The following SMU1 variants were observed in gnomAD, a reference collection of about 807,000 sequenced individuals.
SMU1 encodes the protein SMU1 DNA replication regulator and spliceosomal factor.
SMU1 carries 2 observed loss-of-function variants against 62.0 expected under a neutral mutation model. The ratio of observed to expected loss-of-function variants is 0.03; its 90% CI spans 0.01 to 0.10. The LOEUF is 0.10. Among genes scored for constraint, SMU1 ranks in the 10% least tolerant of loss-of-function variants. SMU1 has a pLI of 1.00. For synonymous variants in SMU1, 188 were observed against 212.4 expected (o/e 0.89, Z 1.00); for missense variants, 227 against 622.1 (o/e 0.36, Z 6.76).
chr9:33,061,280 C>G (rs563331918), intron 5 of SMU1, among the ~76,000 whole-genome samples: 1 of 152,282 alleles, frequency 6.6e-6, no homozygotes, highest in East Asian at 1.9e-4. Flanking sequence ...AAAATCTTAG[C>G]CCAGCAGCAT....
intron 5 of SMU1, 75 bp downstream of exon 5, chr9:33,061,974 G>T: frequency 6.7e-7 from 1 of 1,502,900 alleles, no homozygotes; most frequent in Non-Finnish European, 9.1e-7. Context: ...CAAGCCCCTG[G>T]CACAGGGCCT....
Position 33,057,641 on chromosome 9 carries a change from T to A in SMU1, c.824A>T (p.Asp275Val). ...GGCCCCAGTTGCTAACATTTCTGTA[T>A]CTCTGCTGAAACACATGCAGAGGAC... is the stretch of plus-strand genomic sequence containing the variant. Reference protein sequence around the residue: ...DAVLCMCFSRDTEMLATGAQD... With the variant: ...DAVLCMCFSRVTEMLATGAQD... Residue 275 changes from aspartate to valine, a missense_variant, in exon 7 of 12, where the codon GAT (aspartate) becomes GTT (valine). By Grantham distance (152) the Asp-to-Val change is radical. Transcript: ENST00000397149. 6.2e-7 allele frequency: 1 copy of A among 1,614,022 alleles called. No homozygotes were observed. The highest frequency in any genetic ancestry group is 8.5e-7 in the Non-Finnish European group (1 of 1,179,978).
chr9:33,047,225 AAG>A lies in SMU1; in HGVS notation c.*66_*67del. The A allele has an allele frequency of 2.7e-6, 3 of 1,096,784 alleles. No individual in the cohort carries two copies. Among genetic ancestry groups the A allele is most frequent in the Non-Finnish European group, 4.0e-6 (3 of 756,904 alleles). 67.9% of individuals were successfully genotyped at this position (1,096,784 alleles called of 1,614,324 possible). On this transcript the variant is annotated 3_prime_UTR_variant, in exon 12 of 12. Coordinates refer to ENST00000397149, the MANE Select transcript of SMU1 (RefSeq NM_018225.3). ...TAGAAAAGCTGGCAAAAAAAAAAAA[AAG>A]CACATTACATGAATATGCTTCATTT...
chr9:33,074,121 C>T (rs1478119700), intron 1 of SMU1, among the ~76,000 whole-genome samples: 1 of 152,116 alleles, frequency 6.6e-6, no homozygotes, highest in African/African-American at 2.4e-5. Flanking sequence ...TATTGTAGCA[C>T]ACTTCACTGA....
chr9:33,050,759 G>A (rs10971370), intron 10 of SMU1, among the ~76,000 whole-genome samples: 10,604 of 151,488 alleles, frequency 0.07, 494 homozygotes, highest in Non-Finnish European at 0.11. Context: ...CCGGGGGCCG[G>A]AGGTTGCAGT....
chr9:33,055,424 C>T (rs1470648760), intron 9 of SMU1, among the ~76,000 whole-genome samples: 1 of 152,156 alleles, frequency 6.6e-6, no homozygotes, highest in Non-Finnish European at 1.5e-5. Context: ...TCTAGATCTT[C>T]TGCCACAAAG....
At chr9:33,052,422 C>T (rs1055618227) in intron 10 of SMU1, among the ~76,000 whole-genome samples, 1 of 152,080 alleles carries the variant, frequency 6.6e-6, no homozygotes, top group African/African-American at 2.4e-5. Context: ...ATGCAGTGGC[C>T]CAAAAGATAC....
chr9:33,048,175 G>A lies in SMU1; in HGVS notation c.1374C>T (p.Tyr458=), dbSNP rs1839206548. The change falls in exon 11 of 12, where the codon TAC becomes TAT. Residue 458 remains tyrosine (Y), a synonymous_variant. Coordinates refer to ENST00000397149, the MANE Select transcript of SMU1 (RefSeq NM_018225.3). ...AGAGCACAAAGTCCTCCCCTACACA[G>A]TAGATCCATTCACCACGGGGAGAGA... The part of the protein sequence containing the change: ...CALSPRGEWI[Y]CVGEDFVLYC... The A allele has an allele frequency of 6.2e-7, 1 of 1,613,968 alleles. No individual in the cohort carries two copies.
chr9:33,051,140 AAT>A, intron 10 of SMU1, among the ~76,000 whole-genome samples: 2 of 133,966 alleles, frequency 1.5e-5, no homozygotes, highest in African/African-American at 5.6e-5. Context: ...AAAAAATAAA[AAT>A]AAAAATAAAA....
chr9:33,066,547 C>T (rs1173428506), intron 4 of SMU1, among the ~76,000 whole-genome samples: 1 of 146,230 alleles, frequency 6.8e-6, no homozygotes, highest in Non-Finnish European at 1.5e-5. Flanking sequence ...GTGGCTCACG[C>T]CTGTAATCCC....
intron 11 of SMU1, among the ~76,000 whole-genome samples, chr9:33,047,692 C>T (rs1404230163): frequency 1.3e-5 from 2 of 151,894 alleles, no homozygotes; most frequent in African/African-American, 4.8e-5. Flanking sequence ...ACCCCGTCTC[C>T]ACTAAAGATA....
At chr9:33,063,223 G>A (rs552466326) in intron 4 of SMU1, among the ~76,000 whole-genome samples, 27 of 152,208 alleles carry the variant, frequency 1.8e-4, no homozygotes, top group Non-Finnish European at 2.8e-4. Flanking sequence ...TTAGCCAGGC[G>A]TGGTGGTGCA....
In SMU1 at chr9:33,070,295, T is replaced by A. The variant is rs1377916376; in HGVS notation, c.391-1361A>T. The stretch of plus-strand genomic sequence containing the variant: ...TTTATTTAAAGGTGCTCAACACAAC[T>A]GATCATTAGAGAAATGCAAATCAAA... On this transcript the variant is annotated intron_variant, in intron 3 of 11. Transcript: ENST00000397149. Among the ~76,000 whole-genome samples the A allele has an allele frequency of 1.3e-5, 2 of 152,182 alleles. 1 individual carries two copies. The highest frequency in any genetic ancestry group is 2.9e-5 in the Non-Finnish European group (2 of 68,026).
At chr9:33,066,078 T>G (rs1839416095) in intron 4 of SMU1, among the ~76,000 whole-genome samples, 1 of 152,098 alleles carries the variant, frequency 6.6e-6, no homozygotes, top group Non-Finnish European at 1.5e-5. Flanking sequence ...CAAATGAGGA[T>G]CCCCATCCTA....
intron 4 of SMU1, among the ~76,000 whole-genome samples, chr9:33,065,442 A>G (rs1387020922): frequency 6.6e-6 from 1 of 152,220 alleles, no homozygotes; most frequent in Non-Finnish European, 1.5e-5. Context: ...GATGGTAATT[A>G]AGGAATAAAA....
rs1187667510 is a variant in SMU1 at position 33,052,349 on chromosome 9, TAA to T, written c.1290+772_1290+773del. ...ATTATTTTTTCAAAATAAAGTATTT[TAA>T]AAAGTCAAGCACAGAACTGTGAAGT... On this transcript the variant is annotated intron_variant, in intron 10 of 11. Coordinates refer to ENST00000397149, the MANE Select transcript of SMU1 (RefSeq NM_018225.3). Among the ~76,000 whole-genome samples the T allele has an allele frequency of 4.6e-5, 7 of 152,132 alleles. No individual in the cohort carries two copies. The South Asian group carries it at 1.2e-3, about 27-fold the overall frequency.
chr9:33,076,556 C>G, intron 1 of SMU1, 27 bp downstream of exon 1: 1 of 1,613,414 alleles, frequency 6.2e-7, no homozygotes, highest in African/African-American at 1.3e-5. Flanking sequence ...CCCGGCAAGG[C>G]GCGAACATCC....
intron 7 of SMU1, 82 bp downstream of exon 7, chr9:33,057,516 C>A: frequency 6.6e-7 from 1 of 1,515,760 alleles, no homozygotes; most frequent in Admixed American, 1.7e-5. Context: ...TATTATTATG[C>A]TGAATATCAT....
chr9:33,059,129 T>TA lies in SMU1; in HGVS notation c.750+1335dup, dbSNP rs573554624. ...AATGATCTTAAATAAAATGGGTGGT[T>TA]AAATACATCATGGTTCAATCCATGC... is the stretch of plus-strand genomic sequence containing the variant. On this transcript the variant is annotated intron_variant, in intron 6 of 11. Transcript: ENST00000397149. Among the ~76,000 whole-genome samples, 647 of 152,300 alleles carry TA rather than the reference T, an allele frequency of 4.2e-3. 3 individuals are homozygous for TA. The highest frequency in any genetic ancestry group is 0.015 in the African/African-American group (620 of 41,556).
Sources: gnomAD v4.1 joint callset for allele counts (sites outside exome capture counted in the v4.1 genomes callset) on GRCh38, gnomAD v4.1.1 for gene constraint, MANE v1.5 for transcripts, NCBI Gene and HGNC (gene_info 2026-07-23, HGNC 2026-07-21) for gene names.